SMYD3: variants seen among roughly 807,000 people sequenced by gnomAD.
SMYD3 encodes SET and MYND domain containing 3, also known as histone-lysine N-methyltransferase SMYD3.
Under a neutral mutation model 57.7 loss-of-function variants are expected in SMYD3, and 36 were observed. The observed-to-expected ratio is 0.62, with a 90% CI of 0.48 to 0.82. The LOEUF is 0.82. SMYD3 is among the 40% of genes least tolerant of loss of function. The pLI is 0.00. For missense variants in SMYD3, 515 were observed against 538.8 expected, an observed-to-expected ratio of 0.96 and a Z score of 0.44; for synonymous variants, 211 against 195.0, an observed-to-expected ratio of 1.08 and a Z score of -0.68.
chr1:245,856,438 A>G (rs1333823083), intron 10 of SMYD3, among the ~76,000 whole-genome samples: 1 of 152,238 alleles, frequency 6.6e-6, no homozygotes, highest in Admixed American at 6.5e-5. Context: ...AACACAGCAC[A>G]CACTTAAAGA....
intron 10 of SMYD3, among the ~76,000 whole-genome samples, chr1:245,811,242 A>C (rs1461902455): frequency 2.6e-5 from 4 of 152,174 alleles, no homozygotes; most frequent in African/African-American, 7.2e-5. Context: ...TAGATCAAAC[A>C]CCTGCCATCA....
intron 5 of SMYD3, among the ~76,000 whole-genome samples, chr1:246,172,860 C>T (rs546306183): frequency 6.8e-6 from 1 of 147,636 alleles, no homozygotes; most frequent in East Asian, 2.1e-4. Context: ...ATCAACACTA[C>T]ACACTTAGGC....
intron 5 of SMYD3, among the ~76,000 whole-genome samples, chr1:246,065,063 T>C (rs2060318323): frequency 6.6e-6 from 1 of 152,240 alleles, no homozygotes; most frequent in Non-Finnish European, 1.5e-5. Flanking sequence ...TAAAGCAGGA[T>C]ATAAATAGAT....
intron 8 of SMYD3, among the ~76,000 whole-genome samples, chr1:245,876,986 C>T (rs1187887176): frequency 1.3e-5 from 2 of 151,416 alleles, no homozygotes; most frequent in South Asian, 2.1e-4. Context: ...GAAAATGTCC[C>T]GGAGAAGAGG....
chr1:246,322,780 C>T (rs946853358), intron 5 of SMYD3, among the ~76,000 whole-genome samples: 1 of 152,210 alleles, frequency 6.6e-6, no homozygotes, highest in East Asian at 1.9e-4. Context: ...GCCTCTCCAT[C>T]CAACAGATTA....
intron 8 of SMYD3, among the ~76,000 whole-genome samples, chr1:245,896,335 A>G (rs74535449): frequency 1.3e-5 from 2 of 149,318 alleles, no homozygotes; most frequent in South Asian, 4.3e-4. Context: ...CTCCAAATCC[A>G]TAGTAATGAC....
intron 1 of SMYD3, among the ~76,000 whole-genome samples, chr1:246,420,164 A>G (rs976925247): frequency 6.6e-6 from 1 of 150,898 alleles, no homozygotes; most frequent in East Asian, 2.0e-4. Context: ...GTGCCACTGC[A>G]CCCCAGCCTG....
chr1:246,124,495 G>T (rs898498761), intron 5 of SMYD3, among the ~76,000 whole-genome samples: 1 of 152,102 alleles, frequency 6.6e-6, no homozygotes, highest in African/African-American at 2.4e-5. Flanking sequence ...CACAAAGAAG[G>T]CGAGGTTTGA....
intron 5 of SMYD3, among the ~76,000 whole-genome samples, chr1:246,014,275 T>A (rs1308570356): frequency 1.3e-5 from 2 of 152,182 alleles, no homozygotes; most frequent in African/African-American, 2.4e-5. Context: ...TGAGCCGAGA[T>A]TGCGGCATTG....
At chr1:246,468,336 ATGCCTTT>A (rs941169980) in intron 1 of SMYD3, among the ~76,000 whole-genome samples, 13 of 152,116 alleles carry the variant, frequency 8.5e-5, no homozygotes, top group African/African-American at 2.9e-4. Flanking sequence ...AAAATTCAAT[ATGCCTTT>A]TTAAAAACAT....
intron 10 of SMYD3, among the ~76,000 whole-genome samples, chr1:245,820,306 C>T (rs191318725): frequency 6.6e-6 from 1 of 151,700 alleles, no homozygotes; most frequent in Non-Finnish European, 1.5e-5. Context: ...AAATGACTAT[C>T]TCAATAGATG....
intron 5 of SMYD3, among the ~76,000 whole-genome samples, chr1:246,009,527 C>G (rs1013492441): frequency 2.6e-5 from 4 of 152,106 alleles, no homozygotes; most frequent in African/African-American, 9.7e-5. Flanking sequence ...CACATACACA[C>G]ACGTACATAA....
chr1:246,232,544 T>C lies in SMYD3; in HGVS notation c.531+94657A>G, dbSNP rs200282908. Among the ~76,000 whole-genome samples the C allele has an allele frequency of 2.7e-4, 38 of 143,260 alleles. 1 individual carries two copies. The highest frequency in any genetic ancestry group is 1.2e-3 in the South Asian group (5 of 4,246). 94.0% of individuals were successfully genotyped at this position (143,260 alleles called of 152,430 possible). ...TTCAATCCACACTGTGATGAACATA[T>C]ACCACACAGAGGAGAAGCGCTCCTC... On this transcript the variant is annotated intron_variant, in intron 5 of 11. Transcript: ENST00000490107.
chr1:246,313,926 ATAAT>A (rs1205244944), intron 5 of SMYD3, among the ~76,000 whole-genome samples: 2 of 152,240 alleles, frequency 1.3e-5, no homozygotes, highest in Non-Finnish European at 2.9e-5. Flanking sequence ...GGGCTCCTGA[ATAAT>A]TAATGTTTTA....
chr1:246,125,034 T>A (rs1171026118), intron 5 of SMYD3, among the ~76,000 whole-genome samples: 3 of 144,262 alleles, frequency 2.1e-5, no homozygotes, highest in Non-Finnish European at 4.5e-5. Context: ...ATCGCGCCAC[T>A]GCACTCCAGC....
chr1:246,026,642 G>A (rs1335871217), intron 5 of SMYD3, among the ~76,000 whole-genome samples: 2 of 152,160 alleles, frequency 1.3e-5, no homozygotes, highest in African/African-American at 4.8e-5. Context: ...CATGAACAGT[G>A]CCCATATGAG....
rs1330881210 is a variant in SMYD3 at position 245,995,289 on chromosome 1, G to A, written c.532-65352C>T. Among the ~76,000 whole-genome samples, 4 of 152,300 alleles carry A rather than the reference G, an allele frequency of 2.6e-5. No homozygotes were observed. In the East Asian group the frequency reaches 7.7e-4, roughly 29 times the overall value. ...GCCCTGTGCTACACGGAAGTCATGG[G>A]ACTAGAGTAGAAACAACTAGGTCCA... On this transcript the variant is annotated intron_variant, in intron 5 of 11. Transcript: ENST00000490107.
chr1:246,413,655 C>T (rs887750187), intron 1 of SMYD3, among the ~76,000 whole-genome samples: 1 of 152,028 alleles, frequency 6.6e-6, no homozygotes, highest in African/African-American at 2.4e-5. Flanking sequence ...GCCCCACCCC[C>T]ACACACTAGC....
chr1:246,036,212 C>T (rs565055191), intron 5 of SMYD3, among the ~76,000 whole-genome samples: 1 of 152,308 alleles, frequency 6.6e-6, no homozygotes, highest in South Asian at 2.1e-4. Flanking sequence ...ATCAGCTTTT[C>T]AGATCTTATC....
Sources: allele counts gnomAD v4.1 joint callset (sites outside exome capture counted in the v4.1 genomes callset), GRCh38; gene constraint gnomAD v4.1.1; transcripts MANE v1.5; gene names NCBI Gene and HGNC (gene_info 2026-07-23, HGNC 2026-07-21).